MARCHF3: variants seen among roughly 807,000 people sequenced by gnomAD.
MARCHF3 encodes the protein E3 ubiquitin-protein ligase MARCHF3.
MARCHF3 carries 13 observed loss-of-function variants against 24.2 expected under a neutral mutation model. That is an observed-to-expected ratio of 0.54 (90% CI 0.35 to 0.85). The LOEUF is 0.85. MARCHF3 is among the 40% of genes least tolerant of loss of function. The probability of loss-of-function intolerance (pLI) is 0.01; values close to 1 mark genes in which losing one functional copy is unlikely to be tolerated. For missense variants in MARCHF3, 276 were observed against 325.0 expected (o/e 0.85, Z 1.16); for synonymous variants, 144 against 137.3 (o/e 1.05, Z -0.34).
At chr5:126,921,424 C>T (rs1580645411) in intron 1 of MARCHF3, among the ~76,000 whole-genome samples, 2 of 152,098 alleles carry the variant, frequency 1.3e-5, no homozygotes, top group Non-Finnish European at 2.9e-5. Flanking sequence ...CAGGCAGGAG[C>T]GGACCTCACA....
At chr5:126,902,337 A>G (rs1325331580) in intron 3 of MARCHF3, among the ~76,000 whole-genome samples, 4 of 152,232 alleles carry the variant, frequency 2.6e-5, no homozygotes, top group East Asian at 1.9e-4. Context: ...AACATGTTAT[A>G]TGAAGCAATT....
intron 1 of MARCHF3, among the ~76,000 whole-genome samples, chr5:127,028,625 A>G (rs1050518985): frequency 2.0e-5 from 3 of 151,958 alleles, no homozygotes; most frequent in Non-Finnish European, 4.4e-5. Flanking sequence ...AAGCAAAAGC[A>G]AACAGTTTCT....
At chr5:127,012,149 G>C (rs1478383265) in intron 1 of MARCHF3, among the ~76,000 whole-genome samples, 1 of 152,064 alleles carries the variant, frequency 6.6e-6, no homozygotes, top group Admixed American at 6.6e-5. Flanking sequence ...TTTCCAACTG[G>C]GGCTTTTGAT....
intron 1 of MARCHF3, among the ~76,000 whole-genome samples, chr5:126,955,697 A>G (rs1047236750): frequency 1.3e-5 from 2 of 152,168 alleles, no homozygotes; most frequent in African/African-American, 4.8e-5. Flanking sequence ...TTCTCTGACT[A>G]TATAGTCTGA....
intron 1 of MARCHF3, among the ~76,000 whole-genome samples, chr5:127,020,359 G>C (rs1466380437): frequency 1.3e-5 from 2 of 152,228 alleles, no homozygotes; most frequent in Non-Finnish European, 2.9e-5. Context: ...GCACTCCAGA[G>C]AAGAGGTGCA....
intron 3 of MARCHF3, among the ~76,000 whole-genome samples, chr5:126,902,182 G>C (rs534146518): frequency 6.6e-6 from 1 of 152,130 alleles, no homozygotes; most frequent in Non-Finnish European, 1.5e-5. Context: ...ACCTAGGGAT[G>C]AATCAGTGAA....
intron 3 of MARCHF3, among the ~76,000 whole-genome samples, chr5:126,881,440 C>T (rs1753338702): frequency 6.6e-6 from 1 of 152,100 alleles, no homozygotes; most frequent in South Asian, 2.1e-4. Flanking sequence ...CAGATATATC[C>T]ATATATCGAC....
At chr5:126,962,816 TGTGTGTGTGTGTGTGTGC>T (rs1346745203) in intron 1 of MARCHF3, among the ~76,000 whole-genome samples, 1 of 76,854 alleles carries the variant, frequency 1.3e-5, no homozygotes, top group Non-Finnish European at 2.5e-5. Context: ...ACTCAACCTG[TGTGTGTGTGTGTGTGTGC>T]GTGTGTGTGT....
chr5:126,999,974 G>A (rs1301841315), intron 1 of MARCHF3, among the ~76,000 whole-genome samples: 1 of 149,472 alleles, frequency 6.7e-6, no homozygotes, highest in Non-Finnish European at 1.5e-5. Flanking sequence ...ATTAATATTA[G>A]AATATATATT....
At chr5:126,962,242 C>CTATA (rs59031557) in intron 1 of MARCHF3, among the ~76,000 whole-genome samples, 7 of 151,356 alleles carry the variant, frequency 4.6e-5, no homozygotes, top group African/African-American at 1.7e-4. Context: ...ATCTCTCTCT[C>CTATA]TATATATATA....
At chr5:126,956,901 T>C (rs780456449) in intron 1 of MARCHF3, among the ~76,000 whole-genome samples, 5 of 152,110 alleles carry the variant, frequency 3.3e-5, no homozygotes, top group Non-Finnish European at 5.9e-5. Flanking sequence ...TCTCTTTGAA[T>C]TGGCAGGTTA....
At chr5:126,889,312 G>T (rs554572288) in intron 3 of MARCHF3, among the ~76,000 whole-genome samples, 3 of 152,124 alleles carry the variant, frequency 2.0e-5, no homozygotes, top group Admixed American at 6.5e-5. Context: ...CAAAAGATGA[G>T]AATACGATAA....
rs1030454935 is a variant in MARCHF3 at position 126,976,220 on chromosome 5, C to A, written c.-57+54130G>T. On this transcript the variant is annotated intron_variant, in intron 1 of 4. Transcript: ENST00000308660. ...TTTGTTATGTCCTCTATGGGACACACCTGGGTGTCCATACTACAGTGTGGA... is the reference window on the plus strand; with the variant it reads ...TTTGTTATGTCCTCTATGGGACACAACTGGGTGTCCATACTACAGTGTGGA... Among the ~76,000 whole-genome samples the A allele has an allele frequency of 5.9e-5, 9 of 152,298 alleles. No homozygotes were observed. In the East Asian group the frequency reaches 1.7e-3, roughly 29 times the overall value.
At chr5:127,006,085 C>A (rs772886256) in intron 1 of MARCHF3, among the ~76,000 whole-genome samples, 7 of 151,734 alleles carry the variant, frequency 4.6e-5, no homozygotes, top group Non-Finnish European at 1.0e-4. Context: ...CACTTGTAAT[C>A]CCAGCTACTC....
intron 1 of MARCHF3, among the ~76,000 whole-genome samples, chr5:126,919,289 A>C (rs1414572146): frequency 2.6e-5 from 4 of 152,172 alleles, no homozygotes; most frequent in Non-Finnish European, 5.9e-5. Context: ...TGAAGGAAGA[A>C]TTCTGTCCAA....
At chr5:126,913,290 A>C (rs1348894075) in intron 3 of MARCHF3, among the ~76,000 whole-genome samples, 1 of 152,256 alleles carries the variant, frequency 6.6e-6, no homozygotes, top group Non-Finnish European at 1.5e-5. Flanking sequence ...AGTCTATTTC[A>C]AAGCAGGACT....
At chr5:127,019,996 G>C (rs1444433284) in intron 1 of MARCHF3, among the ~76,000 whole-genome samples, 2 of 152,136 alleles carry the variant, frequency 1.3e-5, no homozygotes, top group Admixed American at 6.5e-5. Flanking sequence ...TACAACACTG[G>C]CATAGTCACC....
intron 1 of MARCHF3, among the ~76,000 whole-genome samples, chr5:126,973,213 T>C (rs1260383226): frequency 6.6e-6 from 1 of 152,220 alleles, no homozygotes; most frequent in Non-Finnish European, 1.5e-5. Flanking sequence ...ACCAACCTCG[T>C]TATGAATTCC....
At chr5:126,990,051 A>G (rs2126842331) in intron 1 of MARCHF3, among the ~76,000 whole-genome samples, 1 of 128,446 alleles carries the variant, frequency 7.8e-6, no homozygotes, top group African/African-American at 3.0e-5. Context: ...ACTACTTTAA[A>G]GTTCATATGG....
Sources: allele counts gnomAD v4.1 joint callset (sites outside exome capture counted in the v4.1 genomes callset), GRCh38; gene constraint gnomAD v4.1.1; transcripts MANE v1.5; gene names NCBI Gene and HGNC (gene_info 2026-07-23, HGNC 2026-07-21).